SRCIN1: variants seen among roughly 807,000 people sequenced by gnomAD.
SRCIN1 encodes P130Cas-associated protein.
Under a neutral mutation model 116.2 loss-of-function variants are expected in SRCIN1, and 50 were observed. The ratio of observed to expected loss-of-function variants is 0.43; its 90% CI spans 0.34 to 0.54. The LOEUF (loss-of-function observed/expected upper bound fraction) is 0.54, where lower values mean the gene tolerates loss of function less well. SRCIN1 is among the 20% of genes least tolerant of loss of function. The pLI is 0.02. For missense variants in SRCIN1, 1,446 were observed against 1,672.0 expected, an observed-to-expected ratio of 0.86 and a Z score of 2.36; for synonymous variants, 736 against 750.0, an observed-to-expected ratio of 0.98 and a Z score of 0.30.
At chr17:38,550,448 A>T (rs773856573) in intron 15 of SRCIN1, among the ~76,000 whole-genome samples, 3 of 152,008 alleles carry the variant, frequency 2.0e-5, no homozygotes, top group Admixed American at 6.6e-5. Flanking sequence ...GAGCCAAGAT[A>T]GCGCCACTGC....
At chr17:38,570,403 C>T (rs1907003748) in intron 2 of SRCIN1, among the ~76,000 whole-genome samples, 1 of 152,190 alleles carries the variant, frequency 6.6e-6, no homozygotes, top group Admixed American at 6.5e-5. Context: ...CACGGGTGCC[C>T]ACTCACAGTG....
intron 1 of SRCIN1, among the ~76,000 whole-genome samples, chr17:38,587,673 G>A (rs921684838): frequency 1.3e-4 from 20 of 152,270 alleles, no homozygotes; most frequent in African/African-American, 4.8e-4. Context: ...GGCCCCAGGA[G>A]GACACAGACT....
chr17:38,578,957 G>A (rs1373548071), intron 1 of SRCIN1, among the ~76,000 whole-genome samples, 166 bp from the exon 2 acceptor site: 1 of 152,226 alleles, frequency 6.6e-6, no homozygotes, highest in Non-Finnish European at 1.5e-5. Context: ...GGGACTGAAG[G>A]GGGAAGTGCG....
rs1051335618 is a variant in SRCIN1, at chr17:38,604,546, C to T, written c.22+1138G>A. 2 of 455,248 alleles carry T rather than the reference C, an allele frequency of 4.4e-6. No homozygotes were observed. The highest frequency in any genetic ancestry group is 4.7e-5 in the Admixed American group (2 of 42,520). The allele number at this position is 455,248 out of a possible 1,614,324, so 28.2% of individuals were successfully genotyped here. ...CCCTGGGAGAGCGGGCTCTGCCCTC[C>T]GCCGTCCTCTCCCACCAGGCCAGGG... On this transcript the variant is annotated intron_variant, in intron 1 of 18. Transcript: ENST00000617146. The surrounding 1 kb of genome is among the most constrained non-coding windows in gnomAD (Gnocchi z 4.3).
intron 1 of SRCIN1, among the ~76,000 whole-genome samples, chr17:38,586,018 T>C (rs1444527588): frequency 1.3e-5 from 2 of 151,998 alleles, no homozygotes; most frequent in Non-Finnish European, 2.9e-5. Context: ...AGAGTCTGCC[T>C]GGACTAGGAG....
At chr17:38,548,491 G>C in intron 17 of SRCIN1, 66 bp downstream of exon 17, 3 of 1,582,920 alleles carry the variant, frequency 1.9e-6, no homozygotes, top group South Asian at 1.1e-5. Flanking sequence ...CACCTGGCCT[G>C]GGGGGCAGCC....
intron 18 of SRCIN1, among the ~76,000 whole-genome samples, 178 bp downstream of exon 18, chr17:38,543,645 G>A (rs1039684787): frequency 2.0e-5 from 3 of 152,230 alleles, no homozygotes; most frequent in African/African-American, 7.2e-5. Context: ...TCCGGGATCG[G>A]GAGGAGGAGG....
At chr17:38,546,160 T>G (rs1297613311) in intron 17 of SRCIN1, among the ~76,000 whole-genome samples, 1 of 152,230 alleles carries the variant, frequency 6.6e-6, no homozygotes, top group East Asian at 1.9e-4. Context: ...GAGTGAATCC[T>G]GGTCTAACTC....
intron 1 of SRCIN1, among the ~76,000 whole-genome samples, chr17:38,591,392 T>C (rs951162083): frequency 6.6e-6 from 1 of 152,130 alleles, no homozygotes; most frequent in African/African-American, 2.4e-5. Context: ...GTCCTTCCTG[T>C]GTGGCCCAGC....
At chr17:38,555,576 C>T (rs984860133) in intron 11 of SRCIN1, among the ~76,000 whole-genome samples, 1 of 152,022 alleles carries the variant, frequency 6.6e-6, no homozygotes, top group Admixed American at 6.5e-5. Context: ...AAGACTCTGG[C>T]ATTTTAAAAA....
In SRCIN1 at chr17:38,558,602, A is replaced by T. The variant is rs963074712; in HGVS notation, c.2026-200T>A. ...GGGCGGGATGGCGAAGGGCAGGGGC[A>T]GAGGGCTAAGTTCTGGGGAAGAACA... On this transcript the variant is annotated intron_variant, in intron 10 of 18. Coordinates refer to ENST00000617146, the MANE Select transcript of SRCIN1 (RefSeq NM_025248.3). This position sits in a 1 kb window ranked among gnomAD's most constrained non-coding sequence, Gnocchi z 4.6. Among the ~76,000 whole-genome samples, 1 of 152,170 alleles carries T rather than the reference A, an allele frequency of 6.6e-6. No individual in the cohort carries two copies. Among genetic ancestry groups the T allele is most frequent in the Non-Finnish European group, 1.5e-5 (1 of 68,038 alleles).
In SRCIN1 at chr17:38,552,149, T is replaced by G; in HGVS notation, c.2481-17A>C. On this transcript the variant is annotated splice_polypyrimidine_tract_variant and intron_variant, in intron 13 of 18. Coordinates refer to ENST00000617146, the MANE Select transcript of SRCIN1 (RefSeq NM_025248.3). This position sits in a 1 kb window ranked among gnomAD's most constrained non-coding sequence, Gnocchi z 5.3. ...TCCACTTGCCTGGGGTTGGGAGAGT[T>G]GGGAGCAGCTGTGAGGCCAGCAGGT... 3 of 1,599,012 alleles carry G rather than the reference T, an allele frequency of 1.9e-6. No homozygotes were observed. The highest frequency in any genetic ancestry group is 2.6e-6 in the Non-Finnish European group (3 of 1,171,174).
Position 38,552,012 on chromosome 17 carries a change from G to A in SRCIN1, c.2601C>T (p.Pro867=). 1.2e-6 allele frequency: 2 copies of A among 1,613,982 alleles called. No individual in the cohort carries two copies. The highest frequency in any genetic ancestry group is 1.6e-4 in the Middle Eastern group (1 of 6,062). Residue 867 remains proline (P), a synonymous_variant, in exon 14 of 19, where the codon CCC becomes CCT. Coordinates refer to ENST00000617146, the MANE Select transcript of SRCIN1 (RefSeq NM_025248.3). The surrounding 1 kb of genome is among the most constrained non-coding windows in gnomAD (Gnocchi z 5.3). ...SVDFEMPPPS[P]PLNLHELSGP... ...CGCTCAGCTCATGCAGGTTCAGCGG[G>A]GGGCTGGGGGGTGGCATTTCGAAGT...
intron 1 of SRCIN1, among the ~76,000 whole-genome samples, chr17:38,591,386 T>C (rs1908433103): frequency 6.6e-6 from 1 of 152,210 alleles, no homozygotes; most frequent in Non-Finnish European, 1.5e-5. Context: ...CCTCAGGTCC[T>C]TCCTGTGTGG....
intron 1 of SRCIN1, among the ~76,000 whole-genome samples, chr17:38,588,012 G>T (rs186246227): frequency 6.1e-4 from 93 of 151,722 alleles, no homozygotes; most frequent in South Asian, 5.8e-3. Context: ...GTGACCTTGA[G>T]TAGGTCAGGG....
intron 1 of SRCIN1, among the ~76,000 whole-genome samples, chr17:38,600,374 G>A (rs1046122655): frequency 1.3e-5 from 2 of 152,222 alleles, no homozygotes; most frequent in African/African-American, 4.8e-5. Flanking sequence ...GCAGGACTAG[G>A]GTGGCAGGCT....
At chr17:38,539,737 G>C (rs1904610131) in intron 18 of SRCIN1, among the ~76,000 whole-genome samples, 1 of 152,058 alleles carries the variant, frequency 6.6e-6, no homozygotes, top group Non-Finnish European at 1.5e-5. Flanking sequence ...TTTCATTAAA[G>C]TCTCTTCATC....
rs758287525 is a variant in SRCIN1, at chr17:38,558,420, G to C, written c.2026-18C>G. The C allele has an allele frequency of 1.3e-6, 2 of 1,576,340 alleles. No homozygotes were observed. The highest frequency in any genetic ancestry group is 1.4e-5 in the African/African-American group (1 of 73,910). On this transcript the variant is annotated intron_variant, in intron 10 of 18. Coordinates refer to ENST00000617146, the MANE Select transcript of SRCIN1 (RefSeq NM_025248.3). This position sits in a 1 kb window ranked among gnomAD's most constrained non-coding sequence, Gnocchi z 4.6. ...TTCTGTAGCTGCGGGACGCACGGAC[G>C]GATGGACCCGGGTGGGGGGAGCGGA...
chr17:38,601,714 C>CT (rs773951900), intron 1 of SRCIN1, among the ~76,000 whole-genome samples: 59 of 152,238 alleles, frequency 3.9e-4, no homozygotes, highest in Non-Finnish European at 2.6e-4. Flanking sequence ...TTCCTGGACT[C>CT]TGACAATTAT....
Sources: allele counts gnomAD v4.1 joint callset (sites outside exome capture counted in the v4.1 genomes callset), GRCh38; gene constraint gnomAD v4.1.1; non-coding constraint Gnocchi (gnomAD v3.1); transcripts MANE v1.5; gene names NCBI Gene and HGNC (gene_info 2026-07-23, HGNC 2026-07-21).